Variants in DNAJC3 observed in about 807,000 individuals in gnomAD.
DNAJC3 encodes the protein dnaJ homolog subfamily C member 3.
Under a neutral mutation model 68.6 loss-of-function variants are expected in DNAJC3, and 38 were observed. The observed-to-expected ratio is 0.55, with a 90% CI of 0.43 to 0.73. The LOEUF (loss-of-function observed/expected upper bound fraction) is 0.73, where lower values mean the gene tolerates loss of function less well. Among genes scored for constraint, DNAJC3 ranks in the 30% least tolerant of loss-of-function variants. The probability of loss-of-function intolerance (pLI) is 0.00; values close to 1 mark genes in which losing one functional copy is unlikely to be tolerated. For synonymous variants in DNAJC3, 203 were observed against 204.0 expected, an observed-to-expected ratio of 1.00 and a Z score of 0.04; for missense variants, 526 against 591.9, an observed-to-expected ratio of 0.89 and a Z score of 1.16.
chr13:95,703,728 T>G (rs1880641788), intron 1 of DNAJC3, among the ~76,000 whole-genome samples: 1 of 152,208 alleles, frequency 6.6e-6, no homozygotes, highest in Non-Finnish European at 1.5e-5. Context: ...ATAGCTTGTG[T>G]CTGTAACTGG....
chr13:95,730,210 T>G (rs938707645), intron 4 of DNAJC3, among the ~76,000 whole-genome samples: 16 of 152,124 alleles, frequency 1.1e-4, no homozygotes, highest in African/African-American at 3.6e-4. Flanking sequence ...CCCAGGCTAG[T>G]CTTAAACTCC....
At chr13:95,751,194 C>T (rs943700315) in intron 4 of DNAJC3, among the ~76,000 whole-genome samples, 14 of 152,188 alleles carry the variant, frequency 9.2e-5, no homozygotes, top group Non-Finnish European at 1.9e-4. Flanking sequence ...TCTGATCATG[C>T]TCCTGCACTC....
At chr13:95,758,559 G>T (rs916634371) in intron 5 of DNAJC3, among the ~76,000 whole-genome samples, 2 of 151,074 alleles carry the variant, frequency 1.3e-5, no homozygotes, top group Non-Finnish European at 2.9e-5. Context: ...AACCTGAGAA[G>T]CAGAGGTTGC....
intron 9 of DNAJC3, among the ~76,000 whole-genome samples, chr13:95,771,513 G>A (rs1170464808): frequency 6.6e-6 from 1 of 152,134 alleles, no homozygotes; most frequent in Non-Finnish European, 1.5e-5. Context: ...AACAGACTAT[G>A]TGTTGAAGGC....
chr13:95,703,443 A>G (rs1002767286), intron 1 of DNAJC3, among the ~76,000 whole-genome samples: 1 of 152,202 alleles, frequency 6.6e-6, no homozygotes, highest in Non-Finnish European at 1.5e-5. Flanking sequence ...TGGAAAGGAC[A>G]ATTGTTTATA....
intron 9 of DNAJC3, among the ~76,000 whole-genome samples, chr13:95,783,737 CTTG>C (rs1272888970): frequency 6.6e-6 from 1 of 152,170 alleles, no homozygotes; most frequent in Non-Finnish European, 1.5e-5. Flanking sequence ...ATCTGTTAGT[CTTG>C]TTGTAGGACT....
intron 1 of DNAJC3, among the ~76,000 whole-genome samples, chr13:95,685,950 T>C (rs768035580): frequency 6.6e-6 from 1 of 152,134 alleles, no homozygotes; most frequent in Non-Finnish European, 1.5e-5. Flanking sequence ...AAATGTCTCT[T>C]AATGTCCTTT....
At chr13:95,774,619 T>G (rs1883248331) in intron 9 of DNAJC3, among the ~76,000 whole-genome samples, 1 of 152,232 alleles carries the variant, frequency 6.6e-6, no homozygotes, top group Non-Finnish European at 1.5e-5. Flanking sequence ...GTCTTTAATA[T>G]TGTCAATATT....
intron 11 of DNAJC3, among the ~76,000 whole-genome samples, chr13:95,788,954 G>T (rs1883681266): frequency 6.6e-6 from 1 of 152,098 alleles, no homozygotes; most frequent in Admixed American, 6.6e-5. Flanking sequence ...TTTTACTGGT[G>T]GGTTTCCTCC....
At chr13:95,780,159 C>G (rs953685280) in intron 9 of DNAJC3, among the ~76,000 whole-genome samples, 1 of 152,220 alleles carries the variant, frequency 6.6e-6, no homozygotes, top group South Asian at 2.1e-4. Flanking sequence ...CTCTACTTCT[C>G]TGCACCAAAC....
chr13:95,785,634 T>G (rs529663402), intron 9 of DNAJC3, among the ~76,000 whole-genome samples: 104 of 142,366 alleles, frequency 7.3e-4, no homozygotes, highest in Admixed American at 4.2e-3. Flanking sequence ...AATTTTTGTG[T>G]TTTTTTTTTT....
At chr13:95,764,369 C>CTA (rs1340131404) in intron 9 of DNAJC3, among the ~76,000 whole-genome samples, 164 of 136,732 alleles carry the variant, frequency 1.2e-3, no homozygotes, top group African/African-American at 4.1e-3. Context: ...CTCTCTCTCT[C>CTA]TCTCTCTATA....
chr13:95,728,067 G>T (rs1881587962), intron 4 of DNAJC3, among the ~76,000 whole-genome samples: 1 of 152,154 alleles, frequency 6.6e-6, no homozygotes, highest in African/African-American at 2.4e-5. Context: ...GATTTATCTA[G>T]ATTTTTACAT....
In DNAJC3 at chr13:95,763,888, C is replaced by T; in HGVS notation, c.1010C>T (p.Pro337Leu). 6.2e-7 allele frequency: 1 copy of T among 1,614,048 alleles called. No homozygotes were observed. The highest frequency in any genetic ancestry group is 8.5e-7 in the Non-Finnish European group (1 of 1,179,970). Residue 337 changes from proline (P) to leucine (L), a missense_variant, in exon 9 of 12, where the codon CCT becomes CTT. Pro to Leu is a moderately conservative substitution (Grantham distance 98). Transcript: ENST00000602402. ...RVCSEVLQMEPDNVNALKDRA... is the reference protein window; with the variant it reads ...RVCSEVLQMELDNVNALKDRA... ...TGTTCTGAAGTTTTACAGATGGAAC[C>T]TGACAATGTGAATGCCCTGAAAGAT...
chr13:95,708,688 T>C (rs1593967313), intron 1 of DNAJC3, among the ~76,000 whole-genome samples: 1 of 152,322 alleles, frequency 6.6e-6, no homozygotes, highest in Non-Finnish European at 1.5e-5. Context: ...GGCTTGACTT[T>C]TTCCACAGTA....
intron 2 of DNAJC3, among the ~76,000 whole-genome samples, chr13:95,721,821 C>A (rs2139639251): frequency 6.6e-6 from 1 of 152,126 alleles, no homozygotes; most frequent in East Asian, 1.9e-4. Context: ...ATCTCTTTTT[C>A]TGACCCACCT....
intron 4 of DNAJC3, among the ~76,000 whole-genome samples, chr13:95,736,204 A>T (rs1292604315): frequency 1.3e-5 from 2 of 152,302 alleles, no homozygotes; most frequent in South Asian, 2.1e-4. Context: ...TACTAGTACC[A>T]TGCTGCTTTG....
At position 95,785,973 on chromosome 13, in the gene DNAJC3, T is replaced by C. The variant is rs765280355; in HGVS notation, c.1110T>C (p.Asn370=). 3.7e-6 allele frequency: 6 copies of C among 1,610,362 alleles called. No individual in the cohort carries two copies. The highest frequency in any genetic ancestry group is 4.5e-5 in the East Asian group (2 of 44,742). Reference sequence around the variant, plus strand: ...ATTATGAAACTGCTCAGGAACACAATGAAAATGATCAGCAGATTCGAGAAG... The same window carrying C: ...ATTATGAAACTGCTCAGGAACACAACGAAAATGATCAGCAGATTCGAGAAG... The part of the protein sequence containing the change: ...IQDYETAQEH[N]ENDQQIREGL... Residue 370 remains asparagine (N), a synonymous_variant, in exon 10 of 12, where the codon AAT becomes AAC. Transcript: ENST00000602402.
At chr13:95,692,668 GC>G (rs1593955297) in intron 1 of DNAJC3, 3 of 152,074 alleles carry the variant, frequency 2.0e-5, no homozygotes, top group East Asian at 3.9e-4. Context: ...CTGTTTAGGT[GC>G]TATTACCACC....
Sources: gnomAD v4.1 joint callset for allele counts (sites outside exome capture counted in the v4.1 genomes callset) on GRCh38, gnomAD v4.1.1 for gene constraint, MANE v1.5 for transcripts, NCBI Gene and HGNC (gene_info 2026-07-23, HGNC 2026-07-21) for gene names.